Variants in DIP2C observed in about 807,000 individuals in gnomAD.
The protein encoded by DIP2C is disco-interacting protein 2 homolog C.
A neutral mutation model predicts 192.4 loss-of-function variants in DIP2C; 33 were observed. That is an observed-to-expected ratio of 0.17 (90% CI 0.13 to 0.23). The LOEUF is 0.23. Ranked by LOEUF, DIP2C falls within the 10% of genes least tolerant of loss-of-function variation. DIP2C has a pLI of 1.00. For missense variants in DIP2C, 1,537 were observed against 2,110.1 expected (o/e 0.73, Z 5.32); for synonymous variants, 979 against 864.1 (o/e 1.13, Z -2.33).
chr10:534,737 C>T lies in DIP2C; in HGVS notation c.86-48207G>A, dbSNP rs552955360. Among the ~76,000 whole-genome samples, 533 of 149,330 alleles carry T rather than the reference C, an allele frequency of 3.6e-3. 2 individuals carry two copies. Among genetic ancestry groups the T allele is most frequent in the Non-Finnish European group, 6.2e-3 (417 of 67,644 alleles). On this transcript the variant is annotated intron_variant, in intron 1 of 36. Transcript: ENST00000280886. ...CAGGCCGGACTGCGGACTGCAGTGG[C>T]GCAATCTCGGCTCACTGCAAGCTCC...
chr10:650,805 C>T, intron 1 of DIP2C: 1 of 688,658 alleles, frequency 1.5e-6, no homozygotes, highest in African/African-American at 1.8e-5. Flanking sequence ...GCTGATCCAC[C>T]ATGGAACCCA....
At chr10:453,456 T>C (rs1393877348) in intron 3 of DIP2C, among the ~76,000 whole-genome samples, 5 of 152,158 alleles carry the variant, frequency 3.3e-5, no homozygotes, top group South Asian at 2.1e-4. Flanking sequence ...GAAATACAAA[T>C]GCTTAAAACG....
At chr10:572,917 C>T (rs1331755579) in intron 1 of DIP2C, among the ~76,000 whole-genome samples, 4 of 152,158 alleles carry the variant, frequency 2.6e-5, no homozygotes, top group Admixed American at 6.5e-5. Flanking sequence ...TGCCATCTCG[C>T]AGAGAGAGAC....
intron 1 of DIP2C, among the ~76,000 whole-genome samples, chr10:512,922 G>GA (rs60269783): frequency 0.36 from 33,494 of 91,892 alleles, 6,505 homozygotes; most frequent in Middle Eastern, 0.47. Flanking sequence ...CCCACTTCAG[G>GA]AAAAAAAAAA....
chr10:588,211 TCAGCCCTGACCCTGCG>T (rs2131623205), intron 1 of DIP2C, among the ~76,000 whole-genome samples: 2 of 146,396 alleles, frequency 1.4e-5, no homozygotes, highest in Admixed American at 6.8e-5. Flanking sequence ...AGCCACTGCC[TCAGCCCTGACCCTGCG>T]GAAACCCCAC....
chr10:612,501 A>G (rs1488770763), intron 1 of DIP2C, among the ~76,000 whole-genome samples: 1 of 152,238 alleles, frequency 6.6e-6, no homozygotes, highest in Non-Finnish European at 1.5e-5. Context: ...GGAGAAAAAC[A>G]AGTGTGGGGT....
chr10:619,297 A>G (rs1016114639), intron 1 of DIP2C, among the ~76,000 whole-genome samples: 1 of 152,164 alleles, frequency 6.6e-6, no homozygotes, highest in Admixed American at 6.6e-5. Context: ...ATTTTCTCAC[A>G]TTTCTGGAAA....
intron 1 of DIP2C, among the ~76,000 whole-genome samples, chr10:634,383 A>C (rs1854709392): frequency 6.6e-6 from 1 of 152,204 alleles, no homozygotes; most frequent in Non-Finnish European, 1.5e-5. Flanking sequence ...ATCCACTCGT[A>C]ATGACCATCA....
At chr10:544,862 G>A (rs917979456) in intron 1 of DIP2C, among the ~76,000 whole-genome samples, 7 of 152,116 alleles carry the variant, frequency 4.6e-5, no homozygotes, top group African/African-American at 7.2e-5. Flanking sequence ...TCTGTGGGTT[G>A]TGTCTTTTTA....
chr10:593,753 T>A (rs1266593696), intron 1 of DIP2C, among the ~76,000 whole-genome samples: 2 of 152,132 alleles, frequency 1.3e-5, no homozygotes, highest in African/African-American at 4.8e-5. Context: ...TGACCTCCGA[T>A]AGGGCCTCCT....
chr10:676,503 TA>T (rs537175244), intron 1 of DIP2C, among the ~76,000 whole-genome samples: 1,526 of 138,414 alleles, frequency 0.011, 6 homozygotes, highest in African/African-American at 0.029. Flanking sequence ...TCTTATATAT[TA>T]AAAAAAAAAA....
chr10:581,435 G>A (rs182157285), intron 1 of DIP2C, among the ~76,000 whole-genome samples: 88 of 152,168 alleles, frequency 5.8e-4, no homozygotes, highest in Admixed American at 2.4e-3. Flanking sequence ...GCTGTCAAAG[G>A]TGCTAATCAA....
intron 2 of DIP2C, among the ~76,000 whole-genome samples, chr10:480,024 G>C (rs1465553286): frequency 6.8e-6 from 1 of 146,278 alleles, no homozygotes; most frequent in African/African-American, 2.6e-5. Flanking sequence ...ACTGGATGAG[G>C]GTTCTCATCC....
chr10:617,660 C>CCCA (rs1336313194), intron 1 of DIP2C, among the ~76,000 whole-genome samples: 1 of 150,634 alleles, frequency 6.6e-6, no homozygotes, highest in Non-Finnish European at 1.5e-5. Context: ...ATACCACCCC[C>CCCA]CCACCCCCAC....
intron 6 of DIP2C, among the ~76,000 whole-genome samples, chr10:417,364 G>T (rs1965711861): frequency 6.6e-6 from 1 of 152,118 alleles, no homozygotes. Flanking sequence ...AAAGGCAAAG[G>T]TACAGACTTG....
intron 4 of DIP2C, among the ~76,000 whole-genome samples, chr10:426,974 TAA>T (rs1966635116): frequency 6.6e-6 from 1 of 152,184 alleles, no homozygotes; most frequent in South Asian, 2.1e-4. Context: ...AAAAAATCCA[TAA>T]AAATTAGTAA....
In DIP2C at chr10:512,922, G is replaced by GAAAAAAAAA. The variant is rs60269783; in HGVS notation, c.86-26401_86-26393dup. Among the ~76,000 whole-genome samples the GAAAAAAAAA allele has an allele frequency of 1.2e-4, 11 of 92,184 alleles. No homozygotes were observed. The East Asian group carries it at 3.4e-3, about 29-fold the overall frequency. The allele number at this position is 92,184 out of a possible 152,430, so 60.5% of individuals were successfully genotyped here. ...TGACAACAGCGAGACCCCACTTCAG[G>GAAAAAAAAA]AAAAAAAAAAAAAAAAAAAAAAGGG... On this transcript the variant is annotated intron_variant, in intron 1 of 36. Transcript: ENST00000280886.
At chr10:660,663 C>T (rs947882088) in intron 1 of DIP2C, among the ~76,000 whole-genome samples, 2 of 152,198 alleles carry the variant, frequency 1.3e-5, no homozygotes, top group African/African-American at 2.4e-5. Flanking sequence ...CTTTTTCAAG[C>T]ATATTAAAGC....
intron 2 of DIP2C, chr10:484,804 C>T (rs1369567666): frequency 1.7e-5 from 28 of 1,611,232 alleles, no homozygotes; most frequent in Non-Finnish European, 2.4e-5. Context: ...AAACAGAGGC[C>T]GGTTCCCTGC....
Sources: allele counts gnomAD v4.1 joint callset (sites outside exome capture counted in the v4.1 genomes callset), GRCh38; gene constraint gnomAD v4.1.1; transcripts MANE v1.5; gene names NCBI Gene and HGNC (gene_info 2026-07-23, HGNC 2026-07-21).